Variants in FRMPD4 observed in about 807,000 individuals in gnomAD.
The protein encoded by FRMPD4 is FERM and PDZ domain containing 4, also known as FERM and PDZ domain-containing protein 4.
Under a neutral mutation model 94.1 loss-of-function variants are expected in FRMPD4, and 22 were observed. That is an observed-to-expected ratio of 0.23 (90% CI 0.17 to 0.33). The LOEUF (loss-of-function observed/expected upper bound fraction) is 0.33. Among genes scored for constraint, FRMPD4 ranks in the 10% least tolerant of loss-of-function variants. The pLI, the probability that FRMPD4 is intolerant of heterozygous loss-of-function variation, is 1.00. For missense variants in FRMPD4, 1,111 were observed against 1,339.9 expected (o/e 0.83, Z 2.67); for synonymous variants, 631 against 548.6 (o/e 1.15, Z -2.10).
chrX:12,222,220 GT>G (rs2056876878), intron 1 of FRMPD4, among the ~76,000 whole-genome samples: 1 of 111,668 alleles, frequency 9.0e-6, no homozygotes, highest in Non-Finnish European at 1.9e-5. Flanking sequence ...TTAAAATCAT[GT>G]TCTTAAGATT....
At chrX:11,849,812 A>G (rs1286969422) in intron 1 of FRMPD4, among the ~76,000 whole-genome samples, 1 of 111,418 alleles carries the variant, frequency 9.0e-6, no homozygotes, top group Admixed American at 9.6e-5. Context: ...TATGTGCTAA[A>G]ACTATAAAAC....
intron 1 of FRMPD4, among the ~76,000 whole-genome samples, chrX:12,252,637 CAT>C (rs2054058086): frequency 8.9e-6 from 1 of 111,832 alleles, no homozygotes; most frequent in Non-Finnish European, 1.9e-5. Context: ...ATGTGAAGGT[CAT>C]GTGCATAAAT....
rs1053390621 is a variant in FRMPD4, at chrX:12,512,220, A to G, written c.158+13424A>G. On this transcript the variant is annotated intron_variant, in intron 2 of 16. Coordinates refer to ENST00000675598, the MANE Select transcript of FRMPD4 (RefSeq NM_001368397.1). ...ATTCAATAGACTATAGTATGGTATG[A>G]ACATATTTTTTAAGTTCTGGGATAC... Among the ~76,000 whole-genome samples, 7 of 112,626 alleles carry G rather than the reference A, an allele frequency of 6.2e-5. No individual in the cohort carries two copies. The Admixed American group carries it at 6.5e-4, about 11-fold the overall frequency.
intron 1 of FRMPD4, among the ~76,000 whole-genome samples, chrX:12,345,034 A>G (rs1358565824): frequency 8.9e-6 from 1 of 112,383 alleles, no homozygotes; most frequent in Non-Finnish European, 1.9e-5. Context: ...CCAATCAGGC[A>G]TTCAGTGGGT....
At chrX:12,518,825 G>GCACA (rs757932325) in intron 2 of FRMPD4, among the ~76,000 whole-genome samples, 12,375 of 107,655 alleles carry the variant, frequency 0.11, 762 homozygotes, top group Non-Finnish European at 0.18. Flanking sequence ...GTGCGCGCGT[G>GCACA]CACACACACA....
chrX:12,441,793 T>C (rs1179840945), intron 1 of FRMPD4, among the ~76,000 whole-genome samples: 3 of 112,306 alleles, frequency 2.7e-5, no homozygotes, highest in Admixed American at 1.9e-4. Context: ...ATGACATGCC[T>C]TTTAACTATT....
intron 3 of FRMPD4, among the ~76,000 whole-genome samples, chrX:12,011,276 G>A (rs6639128): frequency 0.13 from 14,529 of 111,470 alleles, 924 homozygotes; most frequent in East Asian, 0.24. Context: ...TCCATGAAGA[G>A]TTGCACGTAG....
At chrX:12,217,788 T>G (rs980785318) in intron 1 of FRMPD4, among the ~76,000 whole-genome samples, 1 of 112,128 alleles carries the variant, frequency 8.9e-6, no homozygotes, top group African/African-American at 3.2e-5. Flanking sequence ...ACCGTAAGAC[T>G]GAGTAGCTGT....
intron 1 of FRMPD4, among the ~76,000 whole-genome samples, chrX:12,475,033 C>A (rs1164743730): frequency 8.9e-6 from 1 of 111,808 alleles, no homozygotes; most frequent in East Asian, 2.8e-4. Flanking sequence ...AGACCAATAT[C>A]CCTGATGAAC....
At chrX:12,404,039 A>G (rs752871957) in intron 1 of FRMPD4, among the ~76,000 whole-genome samples, 11 of 112,321 alleles carry the variant, frequency 9.8e-5, no homozygotes, top group Non-Finnish European at 1.5e-4. Flanking sequence ...AATCATATAA[A>G]GATACATAAC....
intron 2 of FRMPD4, among the ~76,000 whole-genome samples, chrX:12,554,731 A>C (rs1009085731): frequency 9.0e-6 from 1 of 111,641 alleles, no homozygotes; most frequent in Non-Finnish European, 1.9e-5. Context: ...GTCCCACCTC[A>C]GCCTCCAGAG....
At chrX:12,378,393 G>A (rs998447612) in intron 1 of FRMPD4, among the ~76,000 whole-genome samples, 1 of 112,429 alleles carries the variant, frequency 8.9e-6, no homozygotes, top group African/African-American at 3.2e-5. Flanking sequence ...AGCAGTGTTC[G>A]CTTGCTCTCT....
intron 1 of FRMPD4, among the ~76,000 whole-genome samples, chrX:12,404,585 C>T (rs1251532807): frequency 2.7e-5 from 3 of 111,885 alleles, no homozygotes; most frequent in African/African-American, 6.5e-5. Context: ...TTTTCTCAGG[C>T]GTGATGTTGG....
intron 1 of FRMPD4, among the ~76,000 whole-genome samples, chrX:12,319,584 T>G (rs539515812): frequency 8.9e-6 from 1 of 112,055 alleles, no homozygotes; most frequent in Admixed American, 9.4e-5. Flanking sequence ...CATTCTTACC[T>G]GCAAGTTCCA....
intron 1 of FRMPD4, among the ~76,000 whole-genome samples, chrX:12,177,329 A>G (rs1472425310): frequency 2.7e-5 from 3 of 112,496 alleles, no homozygotes; most frequent in African/African-American, 6.5e-5. Flanking sequence ...GAAAAAGTTT[A>G]AAAATATTCA....
chrX:12,286,782 G>A (rs928716171), intron 1 of FRMPD4, among the ~76,000 whole-genome samples: 17 of 109,305 alleles, frequency 1.6e-4, no homozygotes, highest in African/African-American at 5.8e-4. Context: ...TCAAGTGCAT[G>A]ACATTTTGGT....
rs1213309435 is a variant in FRMPD4 at position 12,092,454 on chromosome X, C to T, written c.95+214436C>T. On this transcript the variant is annotated intron_variant, in intron 3 of 18. Transcript: ENST00000640291. Reference sequence around the variant, plus strand: ...TTTTGCATGCAGATATTTTCCCTTTCCATTGCGTTACCTCCTGCCTAGTCT... The same window carrying T: ...TTTTGCATGCAGATATTTTCCCTTTTCATTGCGTTACCTCCTGCCTAGTCT... Among the ~76,000 whole-genome samples, 8 of 111,815 alleles carry T rather than the reference C, an allele frequency of 7.2e-5. No homozygotes were observed. The Admixed American group carries it at 7.6e-4, about 11-fold the overall frequency.
At chrX:12,585,855 A>G (rs1224858979) in intron 2 of FRMPD4, among the ~76,000 whole-genome samples, 1 of 112,627 alleles carries the variant, frequency 8.9e-6, no homozygotes, top group African/African-American at 3.2e-5. Flanking sequence ...TATGTTTAAA[A>G]AAGAATAATA....
intron 1 of FRMPD4, among the ~76,000 whole-genome samples, chrX:12,399,621 A>G (rs2056586478): frequency 8.9e-6 from 1 of 112,173 alleles, no homozygotes; most frequent in African/African-American, 3.2e-5. Flanking sequence ...TAGAAAAAAG[A>G]AAATGTTATT....
Sources: gnomAD v4.1 joint callset for allele counts (sites outside exome capture counted in the v4.1 genomes callset) on GRCh38, gnomAD v4.1.1 for gene constraint, MANE v1.5 for transcripts, NCBI Gene and HGNC (gene_info 2026-07-23, HGNC 2026-07-21) for gene names.